DMD: variants seen among roughly 807,000 people sequenced by gnomAD.
DMD encodes dystrophin, also known as mutant dystrophin.
Under a neutral mutation model 330.1 loss-of-function variants are expected in DMD, and 63 were observed. The observed-to-expected ratio is 0.19, with a 90% CI of 0.16 to 0.24. The LOEUF is 0.24. Among genes scored for constraint, DMD ranks in the 10% least tolerant of loss-of-function variants. The pLI is 1.00. For missense variants in DMD, 3,344 were observed against 2,684.1 expected, an observed-to-expected ratio of 1.25 and a Z score of -5.43; for synonymous variants, 1,223 against 959.8, an observed-to-expected ratio of 1.27 and a Z score of -5.07.
chrX:32,738,995 T>G (rs2068883291), intron 7 of DMD, among the ~76,000 whole-genome samples: 1 of 111,943 alleles, frequency 8.9e-6, no homozygotes. Context: ...ACTTCAGGCA[T>G]AGAGAATAAC....
chrX:33,045,962 A>G (rs2094376097), intron 1 of DMD, among the ~76,000 whole-genome samples: 1 of 111,568 alleles, frequency 9.0e-6, no homozygotes, highest in Non-Finnish European at 1.9e-5. Flanking sequence ...TCCTGGAGGC[A>G]GAATAGGCAG....
intron 43 of DMD, among the ~76,000 whole-genome samples, chrX:32,256,540 G>A (rs2097299816): frequency 9.1e-6 from 1 of 110,408 alleles, no homozygotes; most frequent in African/African-American, 3.3e-5. Flanking sequence ...ATGTGTGAAT[G>A]TGATCCTGTA....
At chrX:32,777,835 A>G (rs1169498330) in intron 7 of DMD, among the ~76,000 whole-genome samples, 1 of 112,548 alleles carries the variant, frequency 8.9e-6, no homozygotes, top group Non-Finnish European at 1.9e-5. Context: ...AAATCCTTTT[A>G]AGTATCAAGT....
chrX:31,494,245 A>G (rs1054660299), intron 57 of DMD, among the ~76,000 whole-genome samples: 1 of 110,776 alleles, frequency 9.0e-6, no homozygotes, highest in African/African-American at 3.3e-5. Context: ...TGTACCAGAC[A>G]ACTACATTGT....
intron 1 of DMD, among the ~76,000 whole-genome samples, chrX:33,261,924 A>AACCACC (rs747997803): frequency 7.9e-5 from 8 of 100,878 alleles, no homozygotes; most frequent in African/African-American, 1.6e-4. Context: ...AAAGGCAGAA[A>AACCACC]ACCACCACCA....
rs1019234479 is a variant in DMD at position 32,342,937 on chromosome X, T to G, written c.5739+197A>C. ...ATCACTTTACATAGTCTAAAACATTTTATTCATTCAACATTACGTCAATTG... is the reference window on the plus strand; with the variant it reads ...ATCACTTTACATAGTCTAAAACATTGTATTCATTCAACATTACGTCAATTG... On this transcript the variant is annotated intron_variant, in intron 40 of 78. Transcript: ENST00000357033. The G allele has an allele frequency of 6.2e-6, 3 of 487,372 alleles. No individual in the cohort carries two copies. The African/African-American group carries it at 7.1e-5, about 11-fold the overall frequency. 40.2% of individuals were successfully genotyped at this position (487,372 alleles called of 1,213,427 possible).
rs1352069437 is a variant in DMD at position 32,879,021 on chromosome X, A to AAAAAAAAAAAAACAAACAAAC, written c.94-29202_94-29201insGTTTGTTTGTTTTTTTTTTTT. Among the ~76,000 whole-genome samples, 633 of 101,741 alleles carry AAAAAAAAAAAAACAAACAAAC rather than the reference A, an allele frequency of 6.2e-3. 14 individuals are homozygous for AAAAAAAAAAAAACAAACAAAC. Among genetic ancestry groups the AAAAAAAAAAAAACAAACAAAC allele is most frequent in the African/African-American group, 0.021 (595 of 28,259 alleles). The allele number at this position is 101,741 out of a possible 115,157, so 88.3% of individuals were successfully genotyped here. On this transcript the variant is annotated intron_variant, in intron 2 of 78. Coordinates refer to ENST00000357033, the MANE Select transcript of DMD (RefSeq NM_004006.3). ...AGACTACGTCTCAAAAAAAAAACAA[A>AAAAAAAAAAAAACAAACAAAC]AAACAAAAAACAAACAAAAAAAAAA...
chrX:31,362,977 A>C (rs2059022488), intron 60 of DMD, among the ~76,000 whole-genome samples: 1 of 111,971 alleles, frequency 8.9e-6, no homozygotes, highest in African/African-American at 3.2e-5. Context: ...ACAAACAAAC[A>C]AACAACAGAG....
At position 32,491,454 on chromosome X, in the gene DMD, G is replaced by A. The variant is rs2148632157; in HGVS notation, c.2445C>T (p.Phe815=). The A allele has an allele frequency of 1.7e-6, 2 of 1,211,053 alleles. No individual in the cohort carries two copies. Among genetic ancestry groups the A allele is most frequent in the East Asian group, 5.9e-5 (2 of 33,821 alleles). The change falls in exon 20 of 79, where the codon TTC becomes TTT. Residue 815 remains phenylalanine, a synonymous_variant. Transcript: ENST00000357033. The stretch of plus-strand genomic sequence containing the variant: ...TAAGTCTCTCACTTAGCAACTGGCA[G>A]AATTCGATCCACCGGCTGTTCAGTT... The part of the protein sequence containing the change: ...SEQLNSRWIE[F]CQLLSERLNW...
chrX:33,032,376 T>A (rs1307600652), intron 1 of DMD, among the ~76,000 whole-genome samples: 4 of 111,822 alleles, frequency 3.6e-5, no homozygotes, highest in African/African-American at 1.3e-4. Flanking sequence ...TCATTGAGAT[T>A]TGGATTTGTT....
Position 32,438,299 on chromosome X carries a change from T to A in DMD, c.4013A>T (p.Glu1338Val). 1 of 1,211,467 alleles carries A rather than the reference T, an allele frequency of 8.3e-7. No homozygotes were observed. Among genetic ancestry groups the A allele is most frequent in the Non-Finnish European group, 1.1e-6 (1 of 895,152 alleles). Residue 1338 changes from glutamate to valine, a missense_variant, in exon 29 of 79, where the codon GAG becomes GTG. Transcript: ENST00000357033. Reference protein sequence around the residue: ...QTLTDGGVMDELINEELETFN... With the variant: ...QTLTDGGVMDVLINEELETFN... ...TGTCTCAAGTTCCTCATTGATTAGC[T>A]CATCCATGACTCCGCCATCTGTTAG...
At chrX:31,312,013 A>T (rs1436074021) in intron 62 of DMD, among the ~76,000 whole-genome samples, 2 of 112,038 alleles carry the variant, frequency 1.8e-5, no homozygotes, top group African/African-American at 6.5e-5. Context: ...CTAGAAGGAA[A>T]CCTAGGCAAT....
chrX:31,277,894 A>G (rs760757557), intron 62 of DMD, among the ~76,000 whole-genome samples: 118 of 110,345 alleles, frequency 1.1e-3, no homozygotes, highest in African/African-American at 3.7e-3. Flanking sequence ...AAAACTACCT[A>G]TTGGGTACTA....
chrX:31,815,433 G>C (rs1310276190), intron 50 of DMD, among the ~76,000 whole-genome samples: 1 of 97,964 alleles, frequency 1.0e-5, no homozygotes, highest in Non-Finnish European at 2.1e-5. Context: ...CTGGGTGACA[G>C]AGCAAGACTC....
Position 32,889,704 on chromosome X carries a change from C to A in DMD, c.94-39884G>T, listed in dbSNP as rs1259149322. On this transcript the variant is annotated intron_variant, in intron 2 of 78. Coordinates refer to ENST00000357033, the MANE Select transcript of DMD (RefSeq NM_004006.3). ...GAGAATGTACTTTGTGAGATCCACC[C>A]CCTGCTCGCAAAACATCGCTCCTAA... Among the ~76,000 whole-genome samples the A allele has an allele frequency of 4.5e-5, 5 of 111,001 alleles. No individual in the cohort carries two copies. In the East Asian group the frequency reaches 1.4e-3, roughly 32 times the overall value.
intron 7 of DMD, among the ~76,000 whole-genome samples, chrX:32,700,609 A>C (rs1456772257): frequency 1.8e-5 from 2 of 111,864 alleles, no homozygotes; most frequent in Admixed American, 1.9e-4. Context: ...AATTAGTTCA[A>C]TGTAGCCATT....
intron 48 of DMD, among the ~76,000 whole-genome samples, chrX:31,849,809 C>T (rs1241562619): frequency 9.0e-6 from 1 of 110,786 alleles, no homozygotes; most frequent in Non-Finnish European, 1.9e-5. Context: ...ATAAGCTGAT[C>T]TGAATGAGAT....
At chrX:32,720,485 C>A (rs990002674) in intron 7 of DMD, among the ~76,000 whole-genome samples, 1 of 111,966 alleles carries the variant, frequency 8.9e-6, no homozygotes, top group Non-Finnish European at 1.9e-5. Context: ...TGTTTGCCCC[C>A]ATGGGGATTT....
intron 1 of DMD, among the ~76,000 whole-genome samples, chrX:33,335,474 C>T (rs182862213): frequency 1.9e-3 from 216 of 110,787 alleles, no homozygotes; most frequent in African/African-American, 6.8e-3. Context: ...CTTTAACTCT[C>T]TCATGTCCTG....
Sources: allele counts gnomAD v4.1 joint callset (sites outside exome capture counted in the v4.1 genomes callset), GRCh38; gene constraint gnomAD v4.1.1; transcripts MANE v1.5; gene names NCBI Gene and HGNC (gene_info 2026-07-23, HGNC 2026-07-21).